NR3C1: variants seen among roughly 807,000 people sequenced by gnomAD.
NR3C1 encodes the protein glucocorticoid receptor.
Under a neutral mutation model 74.0 loss-of-function variants are expected in NR3C1, and 14 were observed. The observed-to-expected ratio is 0.19, with a 90% CI of 0.12 to 0.30. NR3C1 has a LOEUF of 0.30. Among genes scored for constraint, NR3C1 ranks in the 10% least tolerant of loss-of-function variants. The pLI is 1.00. For synonymous variants in NR3C1, 308 were observed against 332.5 expected (o/e 0.93, Z 0.80); for missense variants, 695 against 909.8 (o/e 0.76, Z 3.04).
intron 2 of NR3C1, among the ~76,000 whole-genome samples, chr5:143,379,379 C>G (rs976850250): frequency 6.6e-6 from 1 of 152,160 alleles, no homozygotes; most frequent in Non-Finnish European, 1.5e-5. Flanking sequence ...GAGCTGGAAT[C>G]TGAACCTTTG....
intron 2 of NR3C1, chr5:143,375,884 T>A (rs1835106124): frequency 6.6e-6 from 1 of 152,218 alleles, no homozygotes; most frequent in South Asian, 2.1e-4. Flanking sequence ...CTGAACAGTA[T>A]CTGGATGAGT....
At chr5:143,376,384 T>C (rs893848253) in intron 2 of NR3C1, among the ~76,000 whole-genome samples, 3 of 152,212 alleles carry the variant, frequency 2.0e-5, no homozygotes, top group Admixed American at 6.5e-5. Flanking sequence ...CTTTACTTCT[T>C]GCACATGATT....
chr5:143,408,918 C>T (rs1286414923), intron 1 of NR3C1: 3 of 152,156 alleles, frequency 2.0e-5, no homozygotes, highest in Non-Finnish European at 4.4e-5. Context: ...CTTGACGCAA[C>T]TGTAAGTCAA....
chr5:143,375,287 C>T (rs1834987602), intron 2 of NR3C1, among the ~76,000 whole-genome samples: 2 of 152,152 alleles, frequency 1.3e-5, no homozygotes, highest in African/African-American at 4.8e-5. Context: ...AAAACCTTTC[C>T]TAAGATTTAA....
chr5:143,420,496 G>T (rs34226461), intron 1 of NR3C1, among the ~76,000 whole-genome samples: 27,639 of 152,114 alleles, frequency 0.18, 2,709 homozygotes, highest in Middle Eastern at 0.35. Flanking sequence ...CTGACTTCCC[G>T]CAACAGGGGA....
chr5:143,359,904 C>A (rs534100414), intron 2 of NR3C1, among the ~76,000 whole-genome samples: 1 of 152,014 alleles, frequency 6.6e-6, no homozygotes, highest in Admixed American at 6.5e-5. Context: ...GGCCACAGAA[C>A]GAGACTCCGT....
At chr5:143,297,569 A>G (rs137880904) in intron 6 of NR3C1, among the ~76,000 whole-genome samples, 18 of 152,346 alleles carry the variant, frequency 1.2e-4, no homozygotes, top group Non-Finnish European at 2.1e-4. Flanking sequence ...ATTGTGATGC[A>G]GTAGTTTGAA....
intron 2 of NR3C1, among the ~76,000 whole-genome samples, chr5:143,325,018 G>A (rs1824255024): frequency 6.6e-6 from 1 of 152,162 alleles, no homozygotes; most frequent in South Asian, 2.1e-4. Flanking sequence ...ATGTCTCTAG[G>A]AGGTTCCTAA....
chr5:143,311,683 G>A (rs959441581), intron 3 of NR3C1, among the ~76,000 whole-genome samples: 9 of 151,312 alleles, frequency 5.9e-5, no homozygotes, highest in African/African-American at 1.2e-4. Context: ...TTCTTGCTAC[G>A]TTGCCTAGGC....
chr5:143,378,197 T>C (rs1258796248), intron 2 of NR3C1, among the ~76,000 whole-genome samples: 1 of 151,982 alleles, frequency 6.6e-6, no homozygotes, highest in Non-Finnish European at 1.5e-5. Flanking sequence ...GCTGCAGTGA[T>C]CCAAGTTTGC....
intron 1 of NR3C1, 98 bp downstream of exon 1, chr5:143,403,113 G>T: frequency 2.1e-4 from 124 of 588,218 alleles, no homozygotes; most frequent in Non-Finnish European, 2.3e-4. Context: ...GCTAATAAAA[G>T]TTTGTAGGCT....
chr5:143,413,577 A>C (rs1240014190), intron 1 of NR3C1, among the ~76,000 whole-genome samples: 1 of 152,172 alleles, frequency 6.6e-6, no homozygotes, highest in Non-Finnish European at 1.5e-5. Flanking sequence ...TTTTCTGGAA[A>C]GATTATCTCC....
chr5:143,435,310 T>C, exon 1 of NR3C1: 4 of 985,370 alleles, frequency 4.1e-6, no homozygotes, highest in Non-Finnish European at 4.8e-6. Flanking sequence ...CCTTCTAAGG[T>C]CCAGTGATTT....
At chr5:143,336,349 T>C (rs1422526724) in intron 2 of NR3C1, among the ~76,000 whole-genome samples, 1 of 152,232 alleles carries the variant, frequency 6.6e-6, no homozygotes, top group Non-Finnish European at 1.5e-5. Flanking sequence ...ACCCAGTATA[T>C]GTTTTTAAAA....
rs572745019 is a variant in NR3C1 at position 143,281,765 on chromosome 5, A to G, written c.*124T>C. On this transcript the variant is annotated 3_prime_UTR_variant, in exon 9 of 9. Coordinates refer to ENST00000394464, the MANE Select transcript of NR3C1 (RefSeq NM_000176.3). Reference sequence around the variant, plus strand: ...AAACCACATGTAGTGCGTATTTAAAACAAAACAACAGATGAAAACAATAAA... The same window carrying G: ...AAACCACATGTAGTGCGTATTTAAAGCAAAACAACAGATGAAAACAATAAA... 8.1e-5 allele frequency: 91 copies of G among 1,129,980 alleles called. No individual in the cohort carries two copies. Among genetic ancestry groups the G allele is most frequent in the Middle Eastern group, 5.8e-4 (2 of 3,436 alleles). 70.0% of individuals were successfully genotyped at this position (1,129,980 alleles called of 1,614,324 possible). A position where few individuals can be genotyped will look rare whatever the true frequency, so the allele number is the denominator to read the frequency against.
At chr5:143,421,012 ATTC>A (rs746438446) in intron 1 of NR3C1, among the ~76,000 whole-genome samples, 19 of 152,182 alleles carry the variant, frequency 1.2e-4, no homozygotes, top group Non-Finnish European at 1.9e-4. Context: ...TTCAGGACAA[ATTC>A]TTCTTTTTTT....
intron 1 of NR3C1, among the ~76,000 whole-genome samples, chr5:143,411,346 A>G (rs1841285113): frequency 6.6e-6 from 1 of 152,214 alleles, no homozygotes; most frequent in African/African-American, 2.4e-5. Flanking sequence ...ACTTGAGGAA[A>G]TATTTTTCTA....
chr5:143,363,777 T>C (rs1219943191), intron 2 of NR3C1, among the ~76,000 whole-genome samples: 4 of 152,026 alleles, frequency 2.6e-5, no homozygotes, highest in African/African-American at 9.7e-5. Context: ...AAAAAATTCA[T>C]CTCACAGATG....
upstream of NR3C1, chr5:143,405,424 A>G: frequency 6.6e-6 from 6 of 909,006 alleles, no homozygotes; most frequent in Non-Finnish European, 7.9e-6. Context: ...GCCCGCCGCC[A>G]TCTTGGTAGG....
Sources: allele counts gnomAD v4.1 joint callset (sites outside exome capture counted in the v4.1 genomes callset), GRCh38; gene constraint gnomAD v4.1.1; transcripts MANE v1.5; gene names NCBI Gene and HGNC (gene_info 2026-07-23, HGNC 2026-07-21).